The following CACNA1D variants were observed in gnomAD, a reference collection of about 807,000 sequenced individuals.
The protein encoded by CACNA1D is calcium voltage-gated channel subunit alpha1 D, also known as voltage-dependent L-type calcium channel subunit alpha-1D.
Under a neutral mutation model 257.1 loss-of-function variants are expected in CACNA1D, and 55 were observed. That is an observed-to-expected ratio of 0.21 (90% CI 0.17 to 0.27). The LOEUF is 0.27. CACNA1D is among the 10% of genes least tolerant of loss of function. CACNA1D has a pLI of 1.00. For synonymous variants in CACNA1D, 980 were observed against 1,014.9 expected (o/e 0.97, Z 0.65); for missense variants, 1,876 against 2,784.0 (o/e 0.67, Z 7.34).
chr3:53,715,482 G>T (rs907577621), intron 9 of CACNA1D, among the ~76,000 whole-genome samples: 2 of 152,028 alleles, frequency 1.3e-5, no homozygotes, highest in African/African-American at 4.8e-5. Flanking sequence ...GATGAAAGTG[G>T]CCAGGGCAAA....
At chr3:53,643,492 G>A (rs80332042) in intron 3 of CACNA1D, among the ~76,000 whole-genome samples, 10,091 of 151,984 alleles carry the variant, frequency 0.066, 1,095 homozygotes, top group African/African-American at 0.23. Flanking sequence ...GGCCTCAATC[G>A]ACCCAGCCAC....
intron 3 of CACNA1D, among the ~76,000 whole-genome samples, chr3:53,569,791 C>A (rs1306813121): frequency 6.6e-6 from 1 of 152,180 alleles, no homozygotes; most frequent in Non-Finnish European, 1.5e-5. Context: ...GAGCCAGATA[C>A]TTCTGAGTTT....
chr3:53,770,632 C>T (rs2095361149), intron 32 of CACNA1D, 80 bp downstream of exon 32: 1 of 1,376,700 alleles, frequency 7.3e-7, no homozygotes, highest in Non-Finnish European at 1.0e-6. Context: ...CCTAGAGGAC[C>T]CAGGCTCCCC....
intron 15 of CACNA1D, among the ~76,000 whole-genome samples, chr3:53,729,012 C>G (rs2094962494): frequency 6.6e-6 from 1 of 152,192 alleles, no homozygotes; most frequent in African/African-American, 2.4e-5. Flanking sequence ...AGTTGAGTGT[C>G]ATGGCAAGAC....
chr3:53,711,765 C>A (rs559357323), intron 9 of CACNA1D, among the ~76,000 whole-genome samples: 5 of 152,316 alleles, frequency 3.3e-5, no homozygotes, highest in African/African-American at 1.2e-4. Context: ...TAGGTCTCAT[C>A]AGAAGGCCTA....
chr3:53,714,621 G>A (rs527702951), intron 9 of CACNA1D, among the ~76,000 whole-genome samples: 2 of 152,314 alleles, frequency 1.3e-5, no homozygotes, highest in South Asian at 4.1e-4. Context: ...TAATAGACTC[G>A]TTTGGCTTTT....
chr3:53,542,814 G>A (rs1026055367), intron 3 of CACNA1D, among the ~76,000 whole-genome samples: 5 of 152,040 alleles, frequency 3.3e-5, no homozygotes, highest in African/African-American at 9.7e-5. Context: ...TAGCACTTTG[G>A]GAGGTTGAGG....
intron 29 of CACNA1D, among the ~76,000 whole-genome samples, chr3:53,761,641 G>A (rs1427309510): frequency 6.6e-6 from 1 of 152,194 alleles, no homozygotes; most frequent in Non-Finnish European, 1.5e-5. Context: ...CCATCAGATC[G>A]TGAGGGTTTG....
intron 8 of CACNA1D, among the ~76,000 whole-genome samples, chr3:53,695,413 T>TACTG (rs2108548995): frequency 6.6e-6 from 1 of 152,258 alleles, no homozygotes; most frequent in African/African-American, 2.4e-5. Flanking sequence ...GCCCTTCAGA[T>TACTG]ACTGGGGACC....
chr3:53,804,145 G>A (rs1414194086), intron 44 of CACNA1D, among the ~76,000 whole-genome samples: 5 of 152,178 alleles, frequency 3.3e-5, no homozygotes, highest in African/African-American at 7.2e-5. Flanking sequence ...CGGCACAGGC[G>A]GATGAAAATC....
intron 37 of CACNA1D, among the ~76,000 whole-genome samples, chr3:53,777,782 G>A (rs2095406158): frequency 6.6e-6 from 1 of 152,170 alleles, no homozygotes; most frequent in African/African-American, 2.4e-5. Flanking sequence ...CCATGCCAGA[G>A]CACGCTCTCA....
In CACNA1D at chr3:53,692,811, A is replaced by G. The variant is rs1008745383; in HGVS notation, c.1221-9830A>G. On this transcript the variant is annotated intron_variant, in intron 8 of 47. Transcript: ENST00000350061. ...AGTGGCTCACGCCTGTTTTCCCAGCACTATGGGAGGCTGAGGCGGGTGGAT... is the reference window on the plus strand; with the variant it reads ...AGTGGCTCACGCCTGTTTTCCCAGCGCTATGGGAGGCTGAGGCGGGTGGAT... Among the ~76,000 whole-genome samples, 46 of 152,226 alleles carry G rather than the reference A, an allele frequency of 3.0e-4. 1 individual carries two copies. The highest frequency in any genetic ancestry group is 8.3e-4 in the South Asian group (4 of 4,836).
chr3:53,502,356 T>C (rs936704273), intron 3 of CACNA1D, among the ~76,000 whole-genome samples: 11 of 152,204 alleles, frequency 7.2e-5, no homozygotes, highest in Non-Finnish European at 1.6e-4. Context: ...TAAAGATTTA[T>C]AGTGCACATT....
intron 4 of CACNA1D, among the ~76,000 whole-genome samples, chr3:53,653,174 C>T (rs1243186398): frequency 6.6e-6 from 1 of 152,148 alleles, no homozygotes; most frequent in African/African-American, 2.4e-5. Flanking sequence ...TCGCTTGAAC[C>T]TGGGAGGCAG....
At chr3:53,623,685 A>G (rs1354329345) in intron 3 of CACNA1D, among the ~76,000 whole-genome samples, 1 of 152,206 alleles carries the variant, frequency 6.6e-6, no homozygotes, top group Non-Finnish European at 1.5e-5. Flanking sequence ...AGCCTTTGCA[A>G]TGTAGCTGAT....
At chr3:53,726,705 G>A (rs1207719950) in intron 14 of CACNA1D, among the ~76,000 whole-genome samples, 174 bp from the exon 15 acceptor site, 4 of 152,118 alleles carry the variant, frequency 2.6e-5, no homozygotes, top group Non-Finnish European at 5.9e-5. Flanking sequence ...ATCTATTTGT[G>A]TAATTAAAAA....
At chr3:53,682,905 A>G (rs1013922422) in intron 8 of CACNA1D, among the ~76,000 whole-genome samples, 9 of 152,258 alleles carry the variant, frequency 5.9e-5, no homozygotes, top group African/African-American at 9.6e-5. Flanking sequence ...GAAATAGGAT[A>G]TACAGGATTG....
At chr3:53,585,776 G>A (rs1248389182) in intron 3 of CACNA1D, among the ~76,000 whole-genome samples, 4 of 152,112 alleles carry the variant, frequency 2.6e-5, no homozygotes, top group Non-Finnish European at 4.4e-5. Context: ...TACCTTTCAC[G>A]AAGTGCTTTC....
rs1003038646 is a variant in CACNA1D at position 53,704,448 on chromosome 3, G to A, written c.1390+1638G>A. On this transcript the variant is annotated intron_variant, in intron 9 of 47. Coordinates refer to ENST00000350061, the MANE Select transcript of CACNA1D (RefSeq NM_001128840.3). ...GGAGGGTTTCTAGAGCTAACTGTTTGCTGAATGCAAGTTCAGAGTTTATAA... is the reference window on the plus strand; with the variant it reads ...GGAGGGTTTCTAGAGCTAACTGTTTACTGAATGCAAGTTCAGAGTTTATAA... Among the ~76,000 whole-genome samples the A allele has an allele frequency of 2.0e-5, 3 of 152,210 alleles. No homozygotes were observed. In the South Asian group the frequency reaches 6.2e-4, roughly 31 times the overall value.
Sources: gnomAD v4.1 joint callset for allele counts (sites outside exome capture counted in the v4.1 genomes callset) on GRCh38, gnomAD v4.1.1 for gene constraint, MANE v1.5 for transcripts, NCBI Gene and HGNC (gene_info 2026-07-23, HGNC 2026-07-21) for gene names.